Variants in BTLA observed in about 807,000 individuals in gnomAD.
BTLA encodes B and T lymphocyte associated.
A neutral mutation model predicts 25.0 loss-of-function variants in BTLA; 11 were observed. The ratio of observed to expected loss-of-function variants is 0.44; its 90% CI spans 0.28 to 0.73. The LOEUF (loss-of-function observed/expected upper bound fraction) is 0.73, where lower values mean the gene tolerates loss of function less well. Among genes scored for constraint, BTLA ranks in the 30% least tolerant of loss-of-function variants. The pLI is 0.15. For synonymous variants in BTLA, 104 were observed against 119.8 expected, an observed-to-expected ratio of 0.87 and a Z score of 0.86; for missense variants, 282 against 332.8, an observed-to-expected ratio of 0.85 and a Z score of 1.19.
At chr3:112,475,491 GC>G (rs1488367634) in intron 2 of BTLA, among the ~76,000 whole-genome samples, 2 of 152,104 alleles carry the variant, frequency 1.3e-5, no homozygotes, top group African/African-American at 2.4e-5. Context: ...CCTAATCTCA[GC>G]CCCAACTTGA....
chr3:112,465,895 A>T lies in BTLA; in HGVS notation c.*213T>A, dbSNP rs1162818730. 2.3e-6 allele frequency: 1 copy of T among 431,458 alleles called. No individual in the cohort carries two copies. The highest frequency in any genetic ancestry group is 4.0e-6 in the Non-Finnish European group (1 of 250,692). The allele number at this position is 431,458 out of a possible 1,614,324, so 26.7% of individuals were successfully genotyped here. ...CAACCAGTTTTGGAGAGATTTTGTT[A>T]TTCAAGGCTATAATATAAAAAGCTC... On this transcript the variant is annotated 3_prime_UTR_variant, in exon 5 of 5. Coordinates refer to ENST00000334529, the MANE Select transcript of BTLA (RefSeq NM_181780.4).
At chr3:112,474,729 G>C (rs981850707) in intron 2 of BTLA, among the ~76,000 whole-genome samples, 2 of 152,202 alleles carry the variant, frequency 1.3e-5, no homozygotes, top group African/African-American at 4.8e-5. Context: ...ATTGAAAGGA[G>C]GGGTAGAATT....
intron 1 of BTLA, among the ~76,000 whole-genome samples, chr3:112,482,879 A>G (rs1004848888): frequency 2.0e-5 from 3 of 152,302 alleles, no homozygotes; most frequent in Middle Eastern, 3.4e-3. Flanking sequence ...CAAAAAAAGT[A>G]AGAAGGCCAG....
chr3:112,487,305 C>A (rs1217802869), intron 1 of BTLA, among the ~76,000 whole-genome samples: 1 of 152,178 alleles, frequency 6.6e-6, no homozygotes, highest in East Asian at 1.9e-4. Context: ...AGGAAACCGG[C>A]CGGGCGTGGT....
intron 1 of BTLA, among the ~76,000 whole-genome samples, chr3:112,496,097 T>C (rs2082407794): frequency 6.6e-6 from 1 of 152,204 alleles, no homozygotes; most frequent in African/African-American, 2.4e-5. Context: ...TACCCAGACA[T>C]TAACTGCAGT....
At chr3:112,491,469 TA>T (rs2082379586) in intron 1 of BTLA, among the ~76,000 whole-genome samples, 1 of 152,198 alleles carries the variant, frequency 6.6e-6, no homozygotes, top group Non-Finnish European at 1.5e-5. Context: ...TTATGGCCTT[TA>T]TTTTTTTAAG....
chr3:112,479,947 T>TA (rs1180969169), intron 1 of BTLA, among the ~76,000 whole-genome samples, 178 bp from the exon 2 acceptor site: 1 of 152,202 alleles, frequency 6.6e-6, no homozygotes, highest in Admixed American at 6.5e-5. Context: ...TAAATATGTT[T>TA]AAAAAATGAA....
intron 3 of BTLA, chr3:112,470,556 T>C (rs749569184): frequency 2.0e-5 from 3 of 152,260 alleles, no homozygotes; most frequent in Non-Finnish European, 2.9e-5. Flanking sequence ...GAATTCTCTA[T>C]GCTTTCCTCT....
At chr3:112,496,117 T>A (rs981424865) in intron 1 of BTLA, among the ~76,000 whole-genome samples, 1 of 152,226 alleles carries the variant, frequency 6.6e-6, no homozygotes, top group Non-Finnish European at 1.5e-5. Context: ...TGTTCCTGCC[T>A]GCCTAAAAGT....
intron 1 of BTLA, among the ~76,000 whole-genome samples, chr3:112,497,782 T>C (rs969604932): frequency 6.6e-6 from 1 of 152,204 alleles, no homozygotes; most frequent in Non-Finnish European, 1.5e-5. Context: ...TTTAAAATTA[T>C]AGATAGACTT....
rs771037485 is a variant in BTLA, at chr3:112,466,188, C to T, written c.790G>A (p.Val264Ile). The T allele has an allele frequency of 3.7e-6, 6 of 1,613,608 alleles. No individual in the cohort carries two copies. Among genetic ancestry groups the T allele is most frequent in the Non-Finnish European group, 4.2e-6 (5 of 1,179,758 alleles). Residue 264 changes from valine (V) to isoleucine (I), a missense_variant, in exon 5 of 5, where the codon GTC becomes ATC. This residue lies in a region of BTLA where 119 missense variants were observed against 102.3 expected (regional missense o/e 1.16). Transcript: ENST00000334529. ...GCCAGTCTTGAGTTCGGTCCAATGA[C>T]AGAATGGTTCAGGGAAGCATAAACA... ...GIVYASLNHS[V>I]IGPNSRLARN... is the part of the protein sequence containing the mutation.
chr3:112,490,050 C>T (rs190940102), intron 1 of BTLA, among the ~76,000 whole-genome samples: 1 of 152,304 alleles, frequency 6.6e-6, no homozygotes, highest in East Asian at 1.9e-4. Context: ...CTTGGGAAAT[C>T]ACACGGACGA....
At chr3:112,478,602 G>A (rs2082301358) in intron 2 of BTLA, among the ~76,000 whole-genome samples, 1 of 151,988 alleles carries the variant, frequency 6.6e-6, no homozygotes, top group East Asian at 1.9e-4. Flanking sequence ...TTCTAAGTTA[G>A]ATATCTTTTA....
intron 4 of BTLA, 134 bp downstream of exon 4, chr3:112,469,624 T>TCGTAC: frequency 5.9e-5 from 2 of 33,746 alleles, no homozygotes; most frequent in Non-Finnish European, 2.5e-4. Context: ...TATATATATA[T>TCGTAC]ATATATATAT....
intron 1 of BTLA, among the ~76,000 whole-genome samples, chr3:112,493,056 G>A (rs531874894): frequency 1.3e-5 from 2 of 152,270 alleles, no homozygotes; most frequent in Admixed American, 1.3e-4. Flanking sequence ...AGATAAACAT[G>A]TAAATCAGGT....
chr3:112,498,259 T>C (rs2082420963), intron 1 of BTLA, among the ~76,000 whole-genome samples: 1 of 151,710 alleles, frequency 6.6e-6, no homozygotes, highest in African/African-American at 2.4e-5. Context: ...ATACAAAAAT[T>C]AGCTGTGCGT....
At chr3:112,496,584 A>G (rs1375020275) in intron 1 of BTLA, among the ~76,000 whole-genome samples, 3 of 152,240 alleles carry the variant, frequency 2.0e-5, no homozygotes, top group Non-Finnish European at 1.5e-5. Flanking sequence ...ATCACAGGAA[A>G]TCCCCAAGAT....
chr3:112,483,953 G>T (rs1187164300), intron 1 of BTLA, among the ~76,000 whole-genome samples: 1 of 147,608 alleles, frequency 6.8e-6, no homozygotes, highest in Non-Finnish European at 1.5e-5. Flanking sequence ...GGGCAACACA[G>T]TAAGACTCTG....
intron 2 of BTLA, among the ~76,000 whole-genome samples, chr3:112,475,372 A>C (rs2082283682): frequency 6.6e-6 from 1 of 152,188 alleles, no homozygotes; most frequent in South Asian, 2.1e-4. Context: ...TTCATACTTC[A>C]CATACTTTGT....
Sources: gnomAD v4.1 joint callset for allele counts (sites outside exome capture counted in the v4.1 genomes callset) on GRCh38, gnomAD v4.1.1 for gene constraint, gnomAD v4.1.1 regional missense constraint, MANE v1.5 for transcripts, NCBI Gene and HGNC (gene_info 2026-07-23, HGNC 2026-07-21) for gene names.